PFKFB3: variants seen among roughly 807,000 people sequenced by gnomAD.
The protein encoded by PFKFB3 is 6-phosphofructo-2-kinase/fructose-2,6-biphosphatase 3.
PFKFB3 carries 33 observed loss-of-function variants against 68.0 expected under a neutral mutation model. The observed-to-expected ratio is 0.49, with a 90% CI of 0.37 to 0.65. PFKFB3 has a LOEUF of 0.65. Among genes scored for constraint, PFKFB3 ranks in the 30% least tolerant of loss-of-function variants. PFKFB3 has a pLI of 0.00. For missense variants in PFKFB3, 586 were observed against 712.2 expected, an observed-to-expected ratio of 0.82 and a Z score of 2.02; for synonymous variants, 315 against 288.2, an observed-to-expected ratio of 1.09 and a Z score of -0.94.
chr10:6,283,504 A>G, the PFKFB3 span, among the ~76,000 whole-genome samples: 1 of 16,864 alleles, frequency 5.9e-5, no homozygotes, highest in Non-Finnish European at 1.6e-4. Context: ...CTTGGAGTCC[A>G]GTGTTTGAAG....
At chr10:6,296,723 A>T in the PFKFB3 span, among the ~76,000 whole-genome samples, 1 of 152,152 alleles carries the variant, frequency 6.6e-6, no homozygotes, top group Admixed American at 6.5e-5. Flanking sequence ...TAGCATGCTA[A>T]TGCATTATAA....
chr10:6,177,388 CTT>C (rs766438244), intron 1 of PFKFB3, among the ~76,000 whole-genome samples: 21 of 64,510 alleles, frequency 3.3e-4, no homozygotes, highest in East Asian at 2.7e-4. Context: ...TTCTTTCTTT[CTT>C]TCTTTCTTTC....
intron 1 of PFKFB3, among the ~76,000 whole-genome samples, chr10:6,166,573 C>G (rs978104514): frequency 3.9e-5 from 6 of 152,092 alleles, no homozygotes; most frequent in Non-Finnish European, 7.4e-5. Flanking sequence ...CATTGTCTAC[C>G]TCAGGGGAAG....
chr10:6,211,289 C>A (rs922871159), intron 1 of PFKFB3, among the ~76,000 whole-genome samples: 3 of 152,206 alleles, frequency 2.0e-5, no homozygotes, highest in African/African-American at 7.2e-5. Flanking sequence ...TAGACATAAT[C>A]CCCTGTTGGA....
At chr10:6,286,668 G>C in the PFKFB3 span, among the ~76,000 whole-genome samples, 1 of 152,210 alleles carries the variant, frequency 6.6e-6, no homozygotes, top group African/African-American at 2.4e-5. Context: ...ATGAGCCACT[G>C]TGCCCAGCCA....
chr10:6,281,726 C>T, the PFKFB3 span, among the ~76,000 whole-genome samples: 1 of 152,006 alleles, frequency 6.6e-6, no homozygotes, highest in African/African-American at 2.4e-5. Context: ...CTAAAGTTTC[C>T]TTAATCTCCC....
chr10:6,202,078 G>T (rs1284135419), upstream of PFKFB3, among the ~76,000 whole-genome samples: 2 of 152,176 alleles, frequency 1.3e-5, no homozygotes, highest in Non-Finnish European at 2.9e-5. Context: ...GATCGAAATG[G>T]GTCTAGTTTT....
chr10:6,221,555 C>T (rs376393136), intron 9 of PFKFB3, 28 bp downstream of exon 9: 73 of 1,612,276 alleles, frequency 4.5e-5, no homozygotes, highest in Non-Finnish European at 5.7e-5. Context: ...GGCAGGCAGC[C>T]TCACCCTCGG....
chr10:6,256,010 G>T (rs953140195), downstream of PFKFB3, among the ~76,000 whole-genome samples: 1 of 152,314 alleles, frequency 6.6e-6, no homozygotes, highest in Admixed American at 6.5e-5. Context: ...GGAACAAGGG[G>T]CGTAGGCTGC....
At chr10:6,283,028 C>T in the PFKFB3 span, among the ~76,000 whole-genome samples, 53 of 152,318 alleles carry the variant, frequency 3.5e-4, no homozygotes, top group Non-Finnish European at 5.7e-4. Context: ...TGCAATGGCA[C>T]GATCTTGGCT....
intron 1 of PFKFB3, among the ~76,000 whole-genome samples, chr10:6,210,582 T>TCTCCTGACCTCGTGATCCGCCCGCCTC (rs1445183165): frequency 1.9e-4 from 10 of 53,016 alleles, no homozygotes; most frequent in African/African-American, 4.6e-4. Context: ...ATAGTCTTGA[T>TCTCCTGACCTCGTGATCCGCCCGCCTC]AGTGTTTTTA....
intron 1 of PFKFB3, among the ~76,000 whole-genome samples, chr10:6,171,601 C>A (rs559481000): frequency 6.6e-6 from 1 of 152,096 alleles, no homozygotes; most frequent in African/African-American, 2.4e-5. Context: ...CTGTGTTGCT[C>A]GGGCTGGTCT....
chr10:6,148,884 G>C (rs1029165451), intron 1 of PFKFB3, among the ~76,000 whole-genome samples: 2 of 151,976 alleles, frequency 1.3e-5, no homozygotes, highest in Non-Finnish European at 2.9e-5. Flanking sequence ...TTGAGACCAG[G>C]CTAGACAACA....
intron 1 of PFKFB3, among the ~76,000 whole-genome samples, chr10:6,206,223 C>T (rs1248792783): frequency 6.9e-6 from 1 of 145,122 alleles, no homozygotes; most frequent in African/African-American, 2.6e-5. Flanking sequence ...ATCCATCCAA[C>T]CCTGAGTGGA....
rs1844890723 is a variant in PFKFB3 at position 6,220,668 on chromosome 10, C to T, written c.634C>T (p.Leu212=). The change falls in exon 8 of 15, where the codon CTG becomes TTG. Residue 212 remains leucine, a synonymous_variant. Coordinates refer to ENST00000379775, the MANE Select transcript of PFKFB3 (RefSeq NM_004566.4). This position sits in a 1 kb window ranked among gnomAD's most constrained non-coding sequence, Gnocchi z 4.1. ...GGGGTCTCTCTGCAGGGACTTGTCG[C>T]TGATCAAGGTGATTGACGTGGGCCG... ...DPDKCDRDLS[L]IKVIDVGRRF... 2.5e-6 allele frequency: 4 copies of T among 1,613,836 alleles called. No individual in the cohort carries two copies. In the East Asian group the frequency reaches 8.9e-5, roughly 36 times the overall value.
chr10:6,176,031 C>T (rs1842455327), intron 1 of PFKFB3, among the ~76,000 whole-genome samples: 1 of 152,242 alleles, frequency 6.6e-6, no homozygotes, highest in Non-Finnish European at 1.5e-5. Flanking sequence ...CACTGCGGCA[C>T]CCCAACGGGT....
chr10:6,227,158 A>T (rs182080219), intron 14 of PFKFB3, among the ~76,000 whole-genome samples: 42 of 152,186 alleles, frequency 2.8e-4, no homozygotes, highest in Non-Finnish European at 4.9e-4. Context: ...GGCCTGGAAG[A>T]TTTTGGTTGT....
chr10:6,240,833 A>G (rs762658314), intron 14 of PFKFB3, among the ~76,000 whole-genome samples: 3 of 151,796 alleles, frequency 2.0e-5, no homozygotes. Context: ...ATCTGTGACA[A>G]TTTCTCACTC....
rs984577749 is a variant in PFKFB3 at position 6,220,308 on chromosome 10, G to C, written c.624-350G>C. 6.6e-6 allele frequency among the ~76,000 whole-genome samples: 1 copy of C among 151,894 alleles called. No homozygotes were observed. Among genetic ancestry groups the C allele is most frequent in the Non-Finnish European group, 1.5e-5 (1 of 67,984 alleles). ...AGTAGAGATGAGGTCTTGCTATGTT[G>C]CCCAGGCTGGTCTTGAACTTCTAGA... On this transcript the variant is annotated intron_variant, in intron 7 of 14. Coordinates refer to ENST00000379775, the MANE Select transcript of PFKFB3 (RefSeq NM_004566.4). The surrounding 1 kb of genome is among the most constrained non-coding windows in gnomAD (Gnocchi z 4.1).
Sources: allele counts gnomAD v4.1 joint callset (sites outside exome capture counted in the v4.1 genomes callset), GRCh38; gene constraint gnomAD v4.1.1; non-coding constraint Gnocchi (gnomAD v3.1); transcripts MANE v1.5; gene names NCBI Gene and HGNC (gene_info 2026-07-23, HGNC 2026-07-21).